RAPGEF5: variants seen among roughly 807,000 people sequenced by gnomAD.
The protein encoded by RAPGEF5 is M-Ras-regulated GEF.
A neutral mutation model predicts 125.2 loss-of-function variants in RAPGEF5; 65 were observed. The ratio of observed to expected loss-of-function variants is 0.52; its 90% CI spans 0.43 to 0.64. The LOEUF (loss-of-function observed/expected upper bound fraction) is 0.64. Ranked by LOEUF, RAPGEF5 falls within the 30% of genes least tolerant of loss-of-function variation. RAPGEF5 has a pLI of 0.00. For synonymous variants in RAPGEF5, 391 were observed against 385.9 expected (o/e 1.01, Z -0.16); for missense variants, 958 against 1,048.1 (o/e 0.91, Z 1.19).
chr7:22,335,031 A>G (rs1317096363), intron 1 of RAPGEF5, among the ~76,000 whole-genome samples: 12 of 152,234 alleles, frequency 7.9e-5, no homozygotes, highest in Admixed American at 7.9e-4. Context: ...TACAAAGAAG[A>G]GTGTTATGTG....
At position 22,140,872 on chromosome 7, in the gene RAPGEF5, G is replaced by C. The variant is rs143192105; in HGVS notation, c.2187-757C>G. Reference sequence around the variant, plus strand: ...TGAATTCCAGGCACTCCTTTATCTGGAGAGCATTAGAAAACAACCTCTCTG... The same window carrying C: ...TGAATTCCAGGCACTCCTTTATCTGCAGAGCATTAGAAAACAACCTCTCTG... On this transcript the variant is annotated intron_variant, in intron 20 of 25. Transcript: ENST00000665637. Among the ~76,000 whole-genome samples, 694 of 152,194 alleles carry C rather than the reference G, an allele frequency of 4.6e-3. 2 individuals carry two copies. The highest frequency in any genetic ancestry group is 6.4e-3 in the Non-Finnish European group (436 of 67,990).
At chr7:22,244,388 G>C (rs115530752) in intron 7 of RAPGEF5, among the ~76,000 whole-genome samples, 134 of 152,262 alleles carry the variant, frequency 8.8e-4, no homozygotes, top group Middle Eastern at 6.8e-3. Context: ...TGAGCGGTGG[G>C]TGAGTGAACA....
chr7:22,314,610 T>C (rs1029088943), intron 3 of RAPGEF5: 129 of 980,890 alleles, frequency 1.3e-4, no homozygotes, highest in Non-Finnish European at 1.5e-4. Context: ...CTCTTCTTAC[T>C]CTTGATGGGT....
At chr7:22,336,599 C>T (rs1246808619) in intron 1 of RAPGEF5, among the ~76,000 whole-genome samples, 5 of 152,100 alleles carry the variant, frequency 3.3e-5, no homozygotes, top group African/African-American at 1.2e-4. Flanking sequence ...GAAGCGGTCC[C>T]CAGAGAAACT....
At chr7:22,220,452 G>A (rs923995645) in intron 8 of RAPGEF5, among the ~76,000 whole-genome samples, 4 of 152,076 alleles carry the variant, frequency 2.6e-5, no homozygotes, top group African/African-American at 7.2e-5. Flanking sequence ...AAATTATTCC[G>A]TATATAAATA....
chr7:22,286,470 C>A (rs971029016), intron 6 of RAPGEF5, among the ~76,000 whole-genome samples: 8 of 152,198 alleles, frequency 5.3e-5, no homozygotes, highest in African/African-American at 1.9e-4. Context: ...CAATTTCCAA[C>A]ATAAAAACTT....
chr7:22,302,544 A>G (rs1783233451), intron 5 of RAPGEF5, among the ~76,000 whole-genome samples: 1 of 152,128 alleles, frequency 6.6e-6, no homozygotes, highest in South Asian at 2.1e-4. Context: ...TCGCAAGACC[A>G]GTGAGGATGA....
chr7:22,235,526 A>G (rs983918701), intron 7 of RAPGEF5, among the ~76,000 whole-genome samples: 1 of 152,230 alleles, frequency 6.6e-6, no homozygotes, highest in Non-Finnish European at 1.5e-5. Context: ...ATAGAAAAAT[A>G]AAGATCAAAA....
chr7:22,317,841 G>C, intron 2 of RAPGEF5, 146 bp downstream of exon 2: 1 of 1,040,880 alleles, frequency 9.6e-7, no homozygotes, highest in South Asian at 1.6e-5. Flanking sequence ...GTCATCCCAG[G>C]TGGTGAAGAT....
At chr7:22,296,407 G>C (rs1431707039) in intron 5 of RAPGEF5, among the ~76,000 whole-genome samples, 1 of 152,084 alleles carries the variant, frequency 6.6e-6, no homozygotes. Context: ...GGAAGATGTG[G>C]GAAATAACCT....
intron 1 of RAPGEF5, among the ~76,000 whole-genome samples, chr7:22,326,748 T>C (rs1051272778): frequency 5.3e-5 from 8 of 152,318 alleles, no homozygotes; most frequent in East Asian, 1.9e-4. Flanking sequence ...AAAGTAGAAG[T>C]ACTAGTAAAG....
At chr7:22,262,294 G>T (rs902275225) in intron 7 of RAPGEF5, among the ~76,000 whole-genome samples, 9 of 152,020 alleles carry the variant, frequency 5.9e-5, no homozygotes, top group African/African-American at 2.2e-4. Context: ...CATCCAGATG[G>T]CAAATAAGCA....
chr7:22,340,223 G>A (rs146241821), intron 1 of RAPGEF5, among the ~76,000 whole-genome samples: 229 of 152,276 alleles, frequency 1.5e-3, no homozygotes, highest in African/African-American at 4.6e-3. Flanking sequence ...GCAAACAAGC[G>A]CCTGAGCTGA....
intron 1 of RAPGEF5, among the ~76,000 whole-genome samples, chr7:22,332,254 T>C (rs1169336812): frequency 6.6e-6 from 1 of 152,220 alleles, no homozygotes; most frequent in African/African-American, 2.4e-5. Flanking sequence ...GAACTTTGCC[T>C]GTAAATTGCT....
intron 23 of RAPGEF5, among the ~76,000 whole-genome samples, chr7:22,133,922 C>T (rs1189151330): frequency 2.0e-5 from 3 of 152,274 alleles, no homozygotes; most frequent in South Asian, 2.1e-4. Context: ...TGATAATCTG[C>T]AGGCTTATTG....
intron 21 of RAPGEF5, among the ~76,000 whole-genome samples, chr7:22,138,539 C>T (rs879756589): frequency 6.6e-6 from 1 of 152,178 alleles, no homozygotes; most frequent in African/African-American, 2.4e-5. Flanking sequence ...ACCTGAGATG[C>T]CCATCCCCAC....
chr7:22,239,242 A>G (rs999661843), intron 7 of RAPGEF5, among the ~76,000 whole-genome samples: 2 of 152,146 alleles, frequency 1.3e-5, no homozygotes, highest in Non-Finnish European at 2.9e-5. Context: ...GACTTACACA[A>G]TTTTAAGTGT....
intron 9 of RAPGEF5, among the ~76,000 whole-genome samples, chr7:22,210,883 C>T (rs1021305126): frequency 2.0e-5 from 3 of 152,140 alleles, no homozygotes; most frequent in African/African-American, 7.2e-5. Context: ...AACCTAAGTA[C>T]TGCAACACTG....
chr7:22,187,146 G>GGCT (rs1200969776), intron 11 of RAPGEF5, among the ~76,000 whole-genome samples: 1 of 152,070 alleles, frequency 6.6e-6, no homozygotes, highest in East Asian at 1.9e-4. Context: ...CTCGTGCAAG[G>GGCT]GCTATGTGAT....
Sources: gnomAD v4.1 joint callset for allele counts (sites outside exome capture counted in the v4.1 genomes callset) on GRCh38, gnomAD v4.1.1 for gene constraint, MANE v1.5 for transcripts, NCBI Gene and HGNC (gene_info 2026-07-23, HGNC 2026-07-21) for gene names.